ATF2: variants seen among roughly 807,000 people sequenced by gnomAD.
The protein encoded by ATF2 is cyclic AMP-dependent transcription factor ATF-2.
A neutral mutation model predicts 60.6 loss-of-function variants in ATF2; 24 were observed. The ratio of observed to expected loss-of-function variants is 0.40; its 90% CI spans 0.29 to 0.56. The LOEUF (loss-of-function observed/expected upper bound fraction) is 0.56, where lower values mean the gene tolerates loss of function less well. Ranked by LOEUF, ATF2 falls within the 20% of genes least tolerant of loss-of-function variation. The pLI, the probability that ATF2 is intolerant of heterozygous loss-of-function variation, is 0.54. For synonymous variants in ATF2, 206 were observed against 215.4 expected (o/e 0.96, Z 0.38); for missense variants, 433 against 607.7 (o/e 0.71, Z 3.02).
chr2:175,159,431 GC>G (rs1481685845), intron 1 of ATF2, among the ~76,000 whole-genome samples: 2 of 152,052 alleles, frequency 1.3e-5, no homozygotes, highest in African/African-American at 4.8e-5. Context: ...AAATTCATCA[GC>G]TGAGAGAAAA....
At chr2:175,104,461 G>A (rs1041857511) in intron 10 of ATF2, among the ~76,000 whole-genome samples, 2 of 152,084 alleles carry the variant, frequency 1.3e-5, no homozygotes, top group African/African-American at 4.8e-5. Flanking sequence ...TAAGGTGGTG[G>A]CAGGGTGGGG....
At chr2:175,107,596 C>T (rs1019500371) in intron 10 of ATF2, among the ~76,000 whole-genome samples, 5 of 152,022 alleles carry the variant, frequency 3.3e-5, no homozygotes, top group African/African-American at 9.7e-5. Context: ...TCTCTTTCCA[C>T]GGTCTCCCTC....
chr2:175,085,347 C>T lies in ATF2; in HGVS notation c.1186-4582G>A, dbSNP rs543414417. ...GTCAGGAGTTTAAGACCAGCCTGGC[C>T]AACGTGGTGAAACCCTGTCTCTACT... On this transcript the variant is annotated intron_variant, in intron 12 of 13. Transcript: ENST00000264110. Among the ~76,000 whole-genome samples the T allele has an allele frequency of 2.6e-5, 4 of 151,834 alleles. No homozygotes were observed. In the South Asian group the frequency reaches 8.3e-4, roughly 32 times the overall value.
chr2:175,108,010 G>A (rs1319751809), intron 10 of ATF2, among the ~76,000 whole-genome samples: 14 of 151,038 alleles, frequency 9.3e-5, no homozygotes, highest in East Asian at 6.0e-4. Flanking sequence ...AGTGAGGAGC[G>A]TCTCTGCCTG....
intron 1 of ATF2, among the ~76,000 whole-genome samples, chr2:175,161,296 T>C (rs535140655): frequency 1.3e-5 from 2 of 152,352 alleles, no homozygotes; most frequent in East Asian, 3.9e-4. Context: ...GCTGTACTGC[T>C]TTCAAGCTAC....
intron 2 of ATF2, among the ~76,000 whole-genome samples, chr2:175,146,045 C>T (rs529099438): frequency 1.5e-3 from 234 of 152,090 alleles, no homozygotes; most frequent in African/African-American, 5.3e-3. Flanking sequence ...CTTAACCCCA[C>T]GAGAAATAAG....
chr2:175,097,704 G>C, intron 10 of ATF2, 111 bp from the exon 11 acceptor site: 6 of 1,131,424 alleles, frequency 5.3e-6, no homozygotes. Context: ...CTTTTGCCTA[G>C]TACTACTAGA....
chr2:175,096,219 T>C (rs1694923574), intron 11 of ATF2, among the ~76,000 whole-genome samples: 1 of 152,152 alleles, frequency 6.6e-6, no homozygotes, highest in South Asian at 2.1e-4. Context: ...AGTACAATAA[T>C]CCTTTACTAG....
At chr2:175,138,642 C>G (rs747042966) in intron 2 of ATF2, among the ~76,000 whole-genome samples, 1 of 152,146 alleles carries the variant, frequency 6.6e-6, no homozygotes, top group East Asian at 1.9e-4. Context: ...TATTTTAGCT[C>G]TCCCTAAAAT....
intron 12 of ATF2, among the ~76,000 whole-genome samples, chr2:175,092,172 A>G (rs939631333): frequency 2.0e-5 from 3 of 152,252 alleles, no homozygotes; most frequent in African/African-American, 7.2e-5. Context: ...CCATTTAAAC[A>G]GACAACTATA....
rs56300825 is a variant in ATF2, at chr2:175,097,445, G to A, written c.977C>T (p.Pro326Leu). The change falls in exon 11 of 14, where the codon CCG (proline) becomes CTG (leucine). Residue 326 changes from proline to leucine, a missense_variant and splice_region_variant. Coordinates refer to ENST00000264110, the MANE Select transcript of ATF2 (RefSeq NM_001880.4). ...QQPATSTTETPASPAHTTPQT... is the reference protein window; with the variant it reads ...QQPATSTTETLASPAHTTPQT... ...GAATAATAAAAACAACACACATACC[G>A]GAGTTTCTGTAGTGGATGTGGCTGG... The A allele has an allele frequency of 8.4e-4, 1,357 of 1,613,620 alleles. 2 individuals carry two copies. The highest frequency in any genetic ancestry group is 9.9e-4 in the Non-Finnish European group (1,169 of 1,179,772).
At chr2:175,079,874 A>G (rs774364509) in intron 13 of ATF2, among the ~76,000 whole-genome samples, 3 of 152,162 alleles carry the variant, frequency 2.0e-5, no homozygotes, top group South Asian at 2.1e-4. Flanking sequence ...ACTGTGGGTT[A>G]TATATTATAA....
At position 175,113,983 on chromosome 2, in the gene ATF2, A is replaced by G; in HGVS notation, c.741+11T>C. 12 of 1,591,922 alleles carry G rather than the reference A, an allele frequency of 7.5e-6. No homozygotes were observed. Among genetic ancestry groups the G allele is most frequent in the Non-Finnish European group, 1.0e-5 (12 of 1,163,610 alleles). On this transcript the variant is annotated intron_variant, in intron 9 of 13. Transcript: ENST00000264110. ...TTTGCGATAGAGATTTAAATAGTCTAACTTTCTTACTGGGACTGCAGCTGG... is the reference window on the plus strand; with the variant it reads ...TTTGCGATAGAGATTTAAATAGTCTGACTTTCTTACTGGGACTGCAGCTGG...
intron 1 of ATF2, among the ~76,000 whole-genome samples, chr2:175,158,107 T>C (rs1190880566): frequency 6.6e-6 from 1 of 152,092 alleles, no homozygotes; most frequent in Non-Finnish European, 1.5e-5. Flanking sequence ...GAAATGATCC[T>C]AGAGATCACC....
intron 2 of ATF2, among the ~76,000 whole-genome samples, chr2:175,137,304 G>C (rs899041322): frequency 1.3e-4 from 20 of 152,010 alleles, no homozygotes; most frequent in African/African-American, 4.1e-4. Context: ...TATCTGAGAG[G>C]GTTCCATTTC....
At chr2:175,117,856 G>T (rs1338760134) in intron 7 of ATF2, 134 bp downstream of exon 7, 3 of 970,768 alleles carry the variant, frequency 3.1e-6, no homozygotes, top group Non-Finnish European at 4.2e-6. Context: ...TCTGAGTATT[G>T]ACAGGCTTTC....
chr2:175,148,845 A>AC (rs1699120433), intron 2 of ATF2, among the ~76,000 whole-genome samples: 1 of 151,930 alleles, frequency 6.6e-6, no homozygotes, highest in Non-Finnish European at 1.5e-5. Flanking sequence ...GGAACACAGC[A>AC]CCCCACCCCC....
intron 13 of ATF2, among the ~76,000 whole-genome samples, chr2:175,080,021 G>A (rs1693659423): frequency 6.6e-6 from 1 of 152,078 alleles, no homozygotes; most frequent in Admixed American, 6.6e-5. Flanking sequence ...TTACAAAAAG[G>A]AAAAGGCACA....
chr2:175,074,455 C>A lies in ATF2; in HGVS notation c.*154G>T. 2 of 919,578 alleles carry A rather than the reference C, an allele frequency of 2.2e-6. No individual in the cohort carries two copies. Among genetic ancestry groups the A allele is most frequent in the Non-Finnish European group, 3.1e-6 (2 of 639,478 alleles). 57.0% of individuals were successfully genotyped at this position (919,578 alleles called of 1,614,324 possible). A position where few individuals can be genotyped will look rare whatever the true frequency, so the allele number is the denominator to read the frequency against. On this transcript the variant is annotated 3_prime_UTR_variant, in exon 14 of 14. Coordinates refer to ENST00000264110, the MANE Select transcript of ATF2 (RefSeq NM_001880.4). Reference sequence around the variant, plus strand: ...AAAAACCGTTTTTCAGTCTGATCAACTGCTGCTACACCAACTTTAGAGCCA... The same window carrying A: ...AAAAACCGTTTTTCAGTCTGATCAAATGCTGCTACACCAACTTTAGAGCCA...
Sources: gnomAD v4.1 joint callset for allele counts (sites outside exome capture counted in the v4.1 genomes callset) on GRCh38, gnomAD v4.1.1 for gene constraint, MANE v1.5 for transcripts, NCBI Gene and HGNC (gene_info 2026-07-23, HGNC 2026-07-21) for gene names.